PCED1B: variants seen among roughly 807,000 people sequenced by gnomAD.
PCED1B encodes PC-esterase domain containing 1B, also known as PC-esterase domain-containing protein 1B.
For missense variants in PCED1B, 573 were observed against 573.9 expected, an observed-to-expected ratio of 1.00 and a Z score of 0.02; for synonymous variants, 251 against 246.1, an observed-to-expected ratio of 1.02 and a Z score of -0.19.
intron 2 of PCED1B, among the ~76,000 whole-genome samples, chr12:47,126,957 T>G (rs925396817): frequency 1.3e-5 from 2 of 152,166 alleles, no homozygotes; most frequent in African/African-American, 2.4e-5. Context: ...GAATCTGTTT[T>G]TTGTTTCATT....
intron 2 of PCED1B, among the ~76,000 whole-genome samples, chr12:47,185,367 A>G (rs1425690128): frequency 6.6e-6 from 1 of 152,222 alleles, no homozygotes; most frequent in Non-Finnish European, 1.5e-5. Flanking sequence ...AGCCCTGTGA[A>G]GAAGGAGGCA....
intron 1 of PCED1B, among the ~76,000 whole-genome samples, chr12:47,080,757 CT>C (rs975851730): frequency 6.6e-6 from 1 of 152,122 alleles, no homozygotes; most frequent in Non-Finnish European, 1.5e-5. Context: ...CAGAGCAGAC[CT>C]TTTTTTCTTT....
At chr12:47,087,101 G>T (rs994453578) in intron 1 of PCED1B, among the ~76,000 whole-genome samples, 3 of 152,172 alleles carry the variant, frequency 2.0e-5, no homozygotes, top group African/African-American at 7.2e-5. Context: ...TGTGGTGGCT[G>T]CTCCATGGGT....
intron 2 of PCED1B, among the ~76,000 whole-genome samples, chr12:47,166,565 C>A (rs1357933): frequency 0.59 from 89,117 of 152,020 alleles, 27,171 homozygotes; most frequent in South Asian, 0.73. Context: ...AACTGGCCAC[C>A]GTCTTGACAG....
rs1183340924 is a variant in PCED1B at position 47,235,070 on chromosome 12, C to T, written c.7C>T (p.Leu3Phe). Residue 3 changes from leucine to phenylalanine, a missense_variant, in exon 4 of 4, where the codon CTT becomes TTT. Leu to Phe is a conservative substitution (Grantham distance 22, BLOSUM62 0). Transcript: ENST00000546455. MI[L>F]LRASEVRQLL... is the part of the protein sequence containing the mutation. Reference sequence around the variant, plus strand: ...GCTGTGCGCCCTGGGCGTCATGATCCTTCTGCGGGCCTCCGAAGTGCGGCA... The same window carrying T: ...GCTGTGCGCCCTGGGCGTCATGATCTTTCTGCGGGCCTCCGAAGTGCGGCA... The T allele has an allele frequency of 7.9e-6, 12 of 1,525,104 alleles. No homozygotes were observed. The East Asian group carries it at 9.1e-5, about 12-fold the overall frequency. The allele number at this position is 1,525,104 out of a possible 1,614,324, so 94.5% of individuals were successfully genotyped here.
chr12:47,111,580 A>T (rs1051747711), intron 2 of PCED1B, among the ~76,000 whole-genome samples: 4 of 151,722 alleles, frequency 2.6e-5, no homozygotes, highest in African/African-American at 9.7e-5. Context: ...TTAAAAAAAA[A>T]CCTCCTAATT....
intron 3 of PCED1B, among the ~76,000 whole-genome samples, chr12:47,217,820 G>T (rs553579686): frequency 6.6e-6 from 1 of 152,104 alleles, no homozygotes; most frequent in Non-Finnish European, 1.5e-5. Flanking sequence ...CAGGTGATCC[G>T]ACCGTCTTGG....
At position 47,236,200 on chromosome 12, in the gene PCED1B, G is replaced by A; in HGVS notation, c.1137G>A (p.Leu379=). The change falls in exon 4 of 4, where the codon CTG becomes CTA. Residue 379 remains leucine (L), a synonymous_variant. Transcript: ENST00000546455. ...ACAATTTTATGGTTGGTCCTCAGCT[G>A]CCTATGCCCTTCTTCCCCACACCCC... ...VEDNFMVGPQ[L]PMPFFPTPRY... is the part of the protein sequence containing the mutation. The A allele has an allele frequency of 1.2e-6, 2 of 1,614,106 alleles. No individual in the cohort carries two copies. Among genetic ancestry groups the A allele is most frequent in the Non-Finnish European group, 1.7e-6 (2 of 1,180,030 alleles).
intron 1 of PCED1B, among the ~76,000 whole-genome samples, chr12:47,082,451 T>A (rs1937780428): frequency 6.6e-6 from 1 of 152,246 alleles, no homozygotes; most frequent in South Asian, 2.1e-4. Context: ...GATCTGGTAG[T>A]ACCTGAAGGC....
chr12:47,116,367 C>T (rs1939419715), intron 2 of PCED1B, among the ~76,000 whole-genome samples: 1 of 152,058 alleles, frequency 6.6e-6, no homozygotes, highest in Non-Finnish European at 1.5e-5. Context: ...GGAGCAAATA[C>T]TTTCTAGGTC....
In PCED1B at chr12:47,235,237, A is replaced by C. The variant is rs749098670; in HGVS notation, c.174A>C (p.Gln58His). 6.2e-7 allele frequency: 1 copy of C among 1,612,758 alleles called. No individual in the cohort carries two copies. Among genetic ancestry groups the C allele is most frequent in the South Asian group, 1.1e-5 (1 of 90,898 alleles). ...CAAGGGGGGAGCTGAACTTCGAACAAGATGAGCTGGTGGACGGAGGCCAGC... is the reference window on the plus strand; with the variant it reads ...CAAGGGGGGAGCTGAACTTCGAACACGATGAGCTGGTGGACGGAGGCCAGC... ...LRARGELNFEQDELVDGGQRG... is the reference protein window; with the variant it reads ...LRARGELNFEHDELVDGGQRG... The change falls in exon 4 of 4, where the codon CAA (glutamine) becomes CAC (histidine). Residue 58 changes from glutamine (Q) to histidine (H), a missense_variant. Coordinates refer to ENST00000546455, the MANE Select transcript of PCED1B (RefSeq NM_138371.3).
intron 2 of PCED1B, among the ~76,000 whole-genome samples, chr12:47,120,812 A>G (rs1316834308): frequency 6.6e-6 from 1 of 152,074 alleles, no homozygotes; most frequent in Non-Finnish European, 1.5e-5. Context: ...AAAAAATAAT[A>G]ATAATAATAA....
rs951325375 is a variant in PCED1B, at chr12:47,216,424, G to T, written c.-323G>T. On this transcript the variant is annotated 5_prime_UTR_variant, in exon 3 of 4. Transcript: ENST00000546455. ...CACATGTCAAAGTCTTGAAGCTTCGGTCATTAGTCTTCCGCTTCCTAAAGC... is the reference window on the plus strand; with the variant it reads ...CACATGTCAAAGTCTTGAAGCTTCGTTCATTAGTCTTCCGCTTCCTAAAGC... 1 of 152,168 alleles carries T rather than the reference G, an allele frequency of 6.6e-6. No individual in the cohort carries two copies. Among genetic ancestry groups the T allele is most frequent in the African/African-American group, 2.4e-5 (1 of 41,448 alleles). 9.4% of individuals were successfully genotyped at this position (152,168 alleles called of 1,614,324 possible). A position where few individuals can be genotyped will look rare whatever the true frequency, so the allele number is the denominator to read the frequency against.
intron 2 of PCED1B, chr12:47,135,602 C>T: frequency 2.0e-6 from 1 of 501,278 alleles, no homozygotes; most frequent in Non-Finnish European, 4.0e-6. Context: ...CAGGCCTGGG[C>T]CCCAGTCAGG....
intron 2 of PCED1B, among the ~76,000 whole-genome samples, chr12:47,157,257 A>C (rs1385941906): frequency 6.6e-6 from 1 of 152,180 alleles, no homozygotes; most frequent in Non-Finnish European, 1.5e-5. Flanking sequence ...ATTCACATTC[A>C]TTGGTGAAAA....
chr12:47,187,844 C>G (rs1418461321), intron 2 of PCED1B: 3 of 153,954 alleles, frequency 1.9e-5, no homozygotes, highest in African/African-American at 7.2e-5. Flanking sequence ...TACATTTCCA[C>G]CTAGACGGGC....
rs569646313 is a variant in PCED1B, at chr12:47,203,378, G to A, written c.-525-12844G>A. Among the ~76,000 whole-genome samples, 16 of 152,138 alleles carry A rather than the reference G, an allele frequency of 1.1e-4. No homozygotes were observed. The South Asian group carries it at 3.3e-3, about 32-fold the overall frequency. ...GTTACATAGGTAAACATGTGCCATT[G>A]TCATTGGCTGCACAGATCATCCCAT... On this transcript the variant is annotated intron_variant, in intron 2 of 3. Transcript: ENST00000546455.
intron 2 of PCED1B, 152 bp from the exon 3 acceptor site, chr12:47,216,070 T>A (rs1943251944): frequency 6.6e-6 from 1 of 151,698 alleles, no homozygotes; most frequent in African/African-American, 2.4e-5. Flanking sequence ...AATAAATAAA[T>A]AAAAATAAAA....
intron 2 of PCED1B, among the ~76,000 whole-genome samples, chr12:47,118,639 T>G (rs1449424315): frequency 1.3e-5 from 2 of 152,220 alleles, no homozygotes; most frequent in African/African-American, 4.8e-5. Context: ...CCCCCAGCTT[T>G]GTTCTTTTGG....
Sources: allele counts gnomAD v4.1 joint callset (sites outside exome capture counted in the v4.1 genomes callset), GRCh38; gene constraint gnomAD v4.1.1; transcripts MANE v1.5; gene names NCBI Gene and HGNC (gene_info 2026-07-23, HGNC 2026-07-21).